The following PEBP4 variants were observed in gnomAD, a reference collection of about 807,000 sequenced individuals.
PEBP4 encodes the protein phosphatidylethanolamine binding protein 4, also known as phosphatidylethanolamine-binding protein 4.
A neutral mutation model predicts 23.9 loss-of-function variants in PEBP4; 22 were observed. The ratio of observed to expected loss-of-function variants is 0.92; its 90% CI spans 0.66 to 1.31. PEBP4 has a LOEUF of 1.31. Among genes scored for constraint, PEBP4 ranks in the 40% most tolerant of loss-of-function variants. PEBP4 has a pLI of 0.00. For synonymous variants in PEBP4, 112 were observed against 99.3 expected (o/e 1.13, Z -0.76); for missense variants, 324 against 281.7 (o/e 1.15, Z -1.07).
chr8:22,814,713 CA>C (rs1806701342), intron 4 of PEBP4, among the ~76,000 whole-genome samples: 1 of 152,202 alleles, frequency 6.6e-6, no homozygotes, highest in Non-Finnish European at 1.5e-5. Flanking sequence ...GACTTTATGG[CA>C]GGCTTTCCTA....
chr8:22,738,774 C>CACACACATGCTG (rs1476576954), intron 4 of PEBP4, among the ~76,000 whole-genome samples: 2 of 152,194 alleles, frequency 1.3e-5, no homozygotes, highest in Admixed American at 1.3e-4. Flanking sequence ...CATGCTCACT[C>CACACACATGCTG]ACACACATGC....
At chr8:22,856,613 A>G (rs1268374115) in intron 3 of PEBP4, among the ~76,000 whole-genome samples, 1 of 152,170 alleles carries the variant, frequency 6.6e-6, no homozygotes, top group Non-Finnish European at 1.5e-5. Context: ...GCTGCTGGGG[A>G]GGATGAGGCA....
chr8:22,837,887 ATTCTT>A (rs1260330447), intron 3 of PEBP4, among the ~76,000 whole-genome samples: 1 of 88,766 alleles, frequency 1.1e-5, no homozygotes, highest in African/African-American at 4.5e-5. Flanking sequence ...AGATTATTAT[ATTCTT>A]TTTTTTTTTT....
At chr8:22,858,762 C>T (rs1807707685) in intron 3 of PEBP4, among the ~76,000 whole-genome samples, 1 of 152,166 alleles carries the variant, frequency 6.6e-6, no homozygotes, top group Admixed American at 6.5e-5. Context: ...GCCTAGCCAA[C>T]ATGGTGAAAT....
At chr8:22,762,871 G>T (rs895300718) in intron 4 of PEBP4, among the ~76,000 whole-genome samples, 2 of 152,192 alleles carry the variant, frequency 1.3e-5, no homozygotes, top group African/African-American at 4.8e-5. Context: ...CTGCGGTCAG[G>T]ACTGGACTCC....
chr8:22,936,303 TAATATAA>T (rs1486865404), intron 1 of PEBP4, among the ~76,000 whole-genome samples: 1 of 151,856 alleles, frequency 6.6e-6, no homozygotes, highest in Non-Finnish European at 1.5e-5. Context: ...GATAAGAGAT[TAATATAA>T]ACAATGGGTA....
chr8:22,854,803 A>G (rs1807606487), intron 3 of PEBP4, among the ~76,000 whole-genome samples: 1 of 152,108 alleles, frequency 6.6e-6, no homozygotes. Context: ...GCACATGCTC[A>G]ATGCATATCT....
intron 3 of PEBP4, among the ~76,000 whole-genome samples, chr8:22,913,522 C>G (rs983242740): frequency 5.3e-5 from 8 of 152,156 alleles, no homozygotes; most frequent in African/African-American, 1.9e-4. Flanking sequence ...CCAGGGCCAG[C>G]ATAGGGCAGC....
intron 3 of PEBP4, among the ~76,000 whole-genome samples, chr8:22,846,574 G>T (rs985361416): frequency 6.6e-6 from 1 of 152,144 alleles, no homozygotes; most frequent in African/African-American, 2.4e-5. Flanking sequence ...CCTTCTCTTG[G>T]AGAGGAGAAG....
intron 3 of PEBP4, among the ~76,000 whole-genome samples, chr8:22,888,820 T>C (rs770423725): frequency 2.0e-5 from 3 of 152,200 alleles, no homozygotes; most frequent in Non-Finnish European, 4.4e-5. Flanking sequence ...CCTTCTCTTC[T>C]TCCATGTCAG....
chr8:22,916,490 A>C (rs1403243545), intron 3 of PEBP4, among the ~76,000 whole-genome samples: 17 of 139,776 alleles, frequency 1.2e-4, no homozygotes, highest in African/African-American at 2.4e-4. Context: ...TTCCCCACCC[A>C]CCCCCCAGCT....
chr8:22,922,762 G>T (rs771737851), intron 2 of PEBP4, among the ~76,000 whole-genome samples: 9 of 151,800 alleles, frequency 5.9e-5, no homozygotes, highest in African/African-American at 2.2e-4. Context: ...AACCTCAAAG[G>T]TGCCACCTTC....
intron 4 of PEBP4, among the ~76,000 whole-genome samples, chr8:22,769,294 C>T (rs1030887223): frequency 1.3e-5 from 2 of 152,218 alleles, no homozygotes; most frequent in Admixed American, 1.3e-4. Context: ...GTTTACAGGC[C>T]AGGAGGCTAC....
At chr8:22,924,850 AG>A (rs1032043388) in intron 2 of PEBP4, 2 of 985,280 alleles carry the variant, frequency 2.0e-6, no homozygotes, top group Non-Finnish European at 2.4e-6. Context: ...GAAGCAGGGA[AG>A]GTCTGATTCC....
chr8:22,792,040 G>A (rs1021257266), intron 4 of PEBP4, among the ~76,000 whole-genome samples: 1 of 101,446 alleles, frequency 9.9e-6, no homozygotes, highest in Non-Finnish European at 2.3e-5. Flanking sequence ...TTTTTTTTTT[G>A]TAGAGACAGG....
intron 4 of PEBP4, among the ~76,000 whole-genome samples, chr8:22,790,112 G>A (rs1214272372): frequency 6.6e-6 from 1 of 152,206 alleles, no homozygotes; most frequent in African/African-American, 2.4e-5. Context: ...CTAAGTCTCA[G>A]CACCAGAGCT....
chr8:22,832,290 C>T lies in PEBP4; in HGVS notation c.259-14555G>A, dbSNP rs1807102217. ...GGGAGGTAGTGATGAGGGTGGAGCC[C>T]TTGTGATGGGCTAGGTACCTTCATA... On this transcript the variant is annotated intron_variant, in intron 3 of 6. Coordinates refer to ENST00000256404, the MANE Select transcript of PEBP4 (RefSeq NM_144962.3). Among the ~76,000 whole-genome samples, 3 of 152,102 alleles carry T rather than the reference C, an allele frequency of 2.0e-5. 1 individual carries two copies. The South Asian group carries it at 6.2e-4, about 32-fold the overall frequency.
upstream of PEBP4, among the ~76,000 whole-genome samples, chr8:22,932,108 A>G (rs1280778363): frequency 6.6e-6 from 1 of 152,204 alleles, no homozygotes; most frequent in Non-Finnish European, 1.5e-5. Context: ...CATGGGGGAA[A>G]ACACTGTGCT....
intron 3 of PEBP4, among the ~76,000 whole-genome samples, chr8:22,825,615 G>A (rs576678827): frequency 1.3e-5 from 2 of 152,166 alleles, no homozygotes; most frequent in Non-Finnish European, 2.9e-5. Flanking sequence ...AGGTAGCTGA[G>A]CCAGGTGATC....
Sources: allele counts gnomAD v4.1 joint callset (sites outside exome capture counted in the v4.1 genomes callset), GRCh38; gene constraint gnomAD v4.1.1; transcripts MANE v1.5; gene names NCBI Gene and HGNC (gene_info 2026-07-23, HGNC 2026-07-21).